Variants in ANKRD30BL observed in about 807,000 individuals in gnomAD.
ANKRD30BL encodes the protein putative ankyrin repeat domain-containing protein 30B-like.
Under a neutral mutation model 18.4 loss-of-function variants are expected in ANKRD30BL, and 20 were observed. That is an observed-to-expected ratio of 1.09 (90% CI 0.77 to 1.58). The LOEUF (loss-of-function observed/expected upper bound fraction) is 1.58. Ranked by LOEUF, ANKRD30BL falls within the 40% of genes most tolerant of loss-of-function variation. ANKRD30BL has a pLI of 0.00. For missense variants in ANKRD30BL, 224 were observed against 268.6 expected (o/e 0.83, Z 1.16); for synonymous variants, 72 against 100.9 (o/e 0.71, Z 1.72).
intron 1 of ANKRD30BL, among the ~76,000 whole-genome samples, chr2:132,241,288 C>T (rs150663139): frequency 1.6e-5 from 2 of 124,660 alleles, no homozygotes; most frequent in African/African-American, 5.9e-5. Context: ...TCTTTTTGTA[C>T]AATCTGCAAG....
chr2:132,170,826 A>G (rs1423331296), intron 1 of ANKRD30BL, among the ~76,000 whole-genome samples: 4 of 152,220 alleles, frequency 2.6e-5, no homozygotes, highest in Admixed American at 6.5e-5. Flanking sequence ...TCAGGGTCGA[A>G]TATAGTCAGA....
chr2:132,168,939 G>A (rs539810028), intron 1 of ANKRD30BL, among the ~76,000 whole-genome samples: 51 of 150,582 alleles, frequency 3.4e-4, no homozygotes, highest in African/African-American at 9.3e-4. Context: ...ATTATGAAAG[G>A]GATACATTTT....
chr2:132,251,855 T>G (rs1680657151), intron 1 of ANKRD30BL, among the ~76,000 whole-genome samples: 1 of 152,280 alleles, frequency 6.6e-6, no homozygotes, highest in Non-Finnish European at 1.5e-5. Context: ...CTAAGAAAAC[T>G]TGGTAATGAG....
rs1680086224 is a variant in ANKRD30BL, at chr2:132,233,971, A to G, written n.441+23558T>C. Among the ~76,000 whole-genome samples the G allele has an allele frequency of 2.0e-5, 3 of 152,282 alleles. No homozygotes were observed. The South Asian group carries it at 6.2e-4, about 32-fold the overall frequency. On this transcript the variant is annotated intron_variant and non_coding_transcript_variant, in intron 1 of 4. Coordinates refer to the ANKRD30BL transcript ENST00000470729. The stretch of plus-strand genomic sequence containing the variant: ...CCTCAGCAAATGTAAAAGAACAGAA[A>G]TTATAACCAACTATCTCTCAGACCA...
intron 4 of ANKRD30BL, chr2:132,152,796 G>A (rs548297673): frequency 2.6e-4 from 39 of 152,256 alleles, no homozygotes; most frequent in African/African-American, 9.1e-4. Context: ...CCACTCAAAG[G>A]ATAACTTACC....
At chr2:132,234,562 T>TA (rs1425226339) in intron 1 of ANKRD30BL, among the ~76,000 whole-genome samples, 1 of 152,144 alleles carries the variant, frequency 6.6e-6, no homozygotes, top group African/African-American at 2.4e-5. Flanking sequence ...CAAACACCTC[T>TA]ATGCAAATAA....
intron 1 of ANKRD30BL, among the ~76,000 whole-genome samples, chr2:132,210,904 G>A (rs1381277564): frequency 1.3e-5 from 2 of 152,074 alleles, no homozygotes; most frequent in Non-Finnish European, 2.9e-5. Context: ...CTACACAGAA[G>A]CATTCTGAGA....
intron 1 of ANKRD30BL, among the ~76,000 whole-genome samples, chr2:132,236,967 C>A (rs1177273417): frequency 2.6e-5 from 4 of 151,638 alleles, no homozygotes; most frequent in Admixed American, 1.3e-4. Context: ...GAGTTCATGT[C>A]CTTTGTAGGG....
chr2:132,154,859 C>T, intron 3 of ANKRD30BL, 91 bp from the exon 4 acceptor site: 1 of 535,186 alleles, frequency 1.9e-6, no homozygotes, highest in Non-Finnish European at 3.4e-6. Flanking sequence ...TGAACTTAAA[C>T]AATGGAAAGT....
At chr2:132,156,520 A>G (rs972157253) in intron 3 of ANKRD30BL, 2 of 152,282 alleles carry the variant, frequency 1.3e-5, no homozygotes, top group African/African-American at 4.8e-5. Context: ...AACTGGAAAC[A>G]TATGCTTTAT....
intron 1 of ANKRD30BL, among the ~76,000 whole-genome samples, chr2:132,234,494 A>G (rs1398076985): frequency 1.3e-5 from 2 of 152,150 alleles, no homozygotes; most frequent in South Asian, 4.1e-4. Flanking sequence ...ATAAAAAATG[A>G]TAAAGGGGAT....
rs1193252929 is a variant in ANKRD30BL at position 132,220,250 on chromosome 2, T to C, written n.441+37279A>G. Among the ~76,000 whole-genome samples, 4 of 152,116 alleles carry C rather than the reference T, an allele frequency of 2.6e-5. No individual in the cohort carries two copies. In the South Asian group the frequency reaches 6.2e-4, roughly 24 times the overall value. On this transcript the variant is annotated intron_variant and non_coding_transcript_variant, in intron 1 of 4. Coordinates refer to the ANKRD30BL transcript ENST00000470729. ...AACTCACAGTGTTGAACCTTTCTTT[T>C]GACAGAGCAGGTTTGAAACACTGTT...
At position 132,153,692 on chromosome 2, in the gene ANKRD30BL, G is replaced by A. The variant is rs745857927; in HGVS notation, c.614+970C>T. On this transcript the variant is annotated intron_variant, in intron 4 of 5. Transcript: ENST00000409867. ...ATGACATATGGCAAGCATGAGGGCTGTGCTAAAATAACAAAGAGATAACTT... is the reference window on the plus strand; with the variant it reads ...ATGACATATGGCAAGCATGAGGGCTATGCTAAAATAACAAAGAGATAACTT... 15 of 1,248,604 alleles carry A rather than the reference G, an allele frequency of 1.2e-5. No individual in the cohort carries two copies. In the East Asian group the frequency reaches 3.2e-4, roughly 27 times the overall value. The allele number at this position is 1,248,604 out of a possible 1,614,324, so 77.3% of individuals were successfully genotyped here.
At chr2:132,257,815 G>A (rs1680912461) in exon 1 of ANKRD30BL, 1 of 153,440 alleles carries the variant, frequency 6.5e-6, no homozygotes, top group East Asian at 1.9e-4. Context: ...TCTGGGCAGG[G>A]GGCCTGGCCG....
intron 1 of ANKRD30BL, among the ~76,000 whole-genome samples, chr2:132,184,305 A>C (rs952054391): frequency 1.3e-5 from 2 of 152,146 alleles, no homozygotes; most frequent in Non-Finnish European, 2.9e-5. Context: ...AATACATAGA[A>C]CCTTATTTGT....
chr2:132,160,839 T>C (rs1297148881), intron 1 of ANKRD30BL, among the ~76,000 whole-genome samples: 13 of 151,932 alleles, frequency 8.6e-5, no homozygotes, highest in African/African-American at 3.1e-4. Flanking sequence ...AGACAGCGTG[T>C]GTAATTTTAA....
At chr2:132,255,472 G>A (rs570554333) in intron 1 of ANKRD30BL, among the ~76,000 whole-genome samples, 2,011 of 149,824 alleles carry the variant, frequency 0.013, 26 homozygotes, top group South Asian at 0.041. Flanking sequence ...CAAGAAGCAG[G>A]GACGGGCTGT....
At chr2:132,219,609 T>A (rs1368223937) in intron 1 of ANKRD30BL, among the ~76,000 whole-genome samples, 1 of 152,044 alleles carries the variant, frequency 6.6e-6, no homozygotes, top group Non-Finnish European at 1.5e-5. Context: ...AATCTTCAAG[T>A]GGAAATTTGG....
At chr2:132,161,356 G>A (rs940351861) in intron 1 of ANKRD30BL, 132 bp downstream of exon 1, 69 of 910,076 alleles carry the variant, frequency 7.6e-5, no homozygotes, top group Middle Eastern at 3.5e-4. Flanking sequence ...GGCCCAGGAC[G>A]GCCGCCCCGC....
Sources: allele counts gnomAD v4.1 joint callset (sites outside exome capture counted in the v4.1 genomes callset), GRCh38; gene constraint gnomAD v4.1.1; transcripts MANE v1.5; gene names NCBI Gene and HGNC (gene_info 2026-07-23, HGNC 2026-07-21).